Variants in NECAB2 observed in about 807,000 individuals in gnomAD.
The protein encoded by NECAB2 is N-terminal EF-hand calcium binding protein 2.
In NECAB2, 68 loss-of-function variants were observed where a neutral mutation model predicts 51.9. The ratio of observed to expected loss-of-function variants is 1.31; its 90% CI spans 1.08 to 1.60. The LOEUF (loss-of-function observed/expected upper bound fraction) is 1.60, where lower values mean the gene tolerates loss of function less well. Ranked by LOEUF, NECAB2 falls within the 40% of genes most tolerant of loss-of-function variation. The pLI is 0.00. For synonymous variants in NECAB2, 329 were observed against 203.5 expected, an observed-to-expected ratio of 1.62 and a Z score of -5.25; for missense variants, 854 against 490.3, an observed-to-expected ratio of 1.74 and a Z score of -7.00.
chr16:83,980,694 AC>A, intron 3 of NECAB2, 144 bp from the exon 4 acceptor site: 1 of 1,108,340 alleles, frequency 9.0e-7, no homozygotes, highest in South Asian at 1.5e-5. Context: ...TACCTGCTGC[AC>A]CCTCTTCTGT....
chr16:83,980,700 T>C (rs1252093349), intron 3 of NECAB2, 139 bp from the exon 4 acceptor site: 10 of 1,193,122 alleles, frequency 8.4e-6, no homozygotes, highest in Non-Finnish European at 1.2e-5. Context: ...CTGCACCCTC[T>C]TCTGTAAGGC....
chr16:83,994,841 C>G (rs949382822), intron 8 of NECAB2, among the ~76,000 whole-genome samples, 153 bp downstream of exon 8: 12 of 152,272 alleles, frequency 7.9e-5, no homozygotes, highest in African/African-American at 2.9e-4. Flanking sequence ...CTGCCGAGGA[C>G]GAAGCTAAGG....
In NECAB2 at chr16:83,968,387, C is replaced by A. The variant is rs1378966084; in HGVS notation, c.-262C>A. 1.3e-5 allele frequency among the ~76,000 whole-genome samples: 2 copies of A among 150,046 alleles called. No homozygotes were observed. Among genetic ancestry groups the A allele is most frequent in the South Asian group, 2.1e-4 (1 of 4,828 alleles). On this transcript the variant is annotated 5_prime_UTR_variant, in exon 1 of 13. Transcript: ENST00000305202. ...CGGGTAGCCCCCTCTGTGGCTGCGC[C>A]CGCGCCCCTCGCCCCGGCGGGCAGT...
chr16:83,984,664 G>A (rs774189208), intron 5 of NECAB2, among the ~76,000 whole-genome samples: 8 of 152,096 alleles, frequency 5.3e-5, no homozygotes, highest in African/African-American at 9.7e-5. Context: ...CTGGGAAGTC[G>A]AGGCTGCAGT....
At chr16:83,994,041 G>C (rs2084661521) in intron 6 of NECAB2, among the ~76,000 whole-genome samples, 1 of 152,190 alleles carries the variant, frequency 6.6e-6, no homozygotes, top group Admixed American at 6.5e-5. Flanking sequence ...TGAATCTCTT[G>C]GGGAAAAGGC....
At chr16:83,992,925 C>T (rs757922438) in intron 6 of NECAB2, among the ~76,000 whole-genome samples, 1 of 151,904 alleles carries the variant, frequency 6.6e-6, no homozygotes, top group Non-Finnish European at 1.5e-5. Flanking sequence ...TTTTCTCCTG[C>T]CGCAGAACAG....
Position 83,968,805 on chromosome 16 carries a change from C to A in NECAB2, c.157C>A (p.Pro53Thr), listed in dbSNP as rs2084317900. The A allele has an allele frequency of 3.5e-6, 4 of 1,127,790 alleles. No individual in the cohort carries two copies. In the South Asian group the frequency reaches 1.3e-4, roughly 36 times the overall value. 69.9% of individuals were successfully genotyped at this position (1,127,790 alleles called of 1,614,324 possible). A position where few individuals can be genotyped will look rare whatever the true frequency, so the allele number is the denominator to read the frequency against. Residue 53 changes from proline (P) to threonine (T), a missense_variant, in exon 1 of 13, where the codon CCC (proline) becomes ACC (threonine). Coordinates refer to ENST00000305202, the MANE Select transcript of NECAB2 (RefSeq NM_019065.3). ...GCTGGCCCCCGCCGCCCCCGCGGAC[C>A]CCGGCCCAGCCTCGCCGCGCGGGGG... ...ESLAPAAPAD[P>T]GPASPRGGTA...
At chr16:84,000,574 C>CTG (rs2084809721) in intron 10 of NECAB2, 150 bp from the exon 11 acceptor site, 1 of 604,428 alleles carries the variant, frequency 1.7e-6, no homozygotes. Flanking sequence ...TGGGGTCACC[C>CTG]TGTCGAGTCT....
At chr16:83,988,720 C>G (rs1341537589) in intron 5 of NECAB2, among the ~76,000 whole-genome samples, 1 of 152,166 alleles carries the variant, frequency 6.6e-6, no homozygotes, top group African/African-American at 2.4e-5. Flanking sequence ...TTCTGGAGAT[C>G]TCCCAGTTGT....
intron 2 of NECAB2, among the ~76,000 whole-genome samples, chr16:83,977,601 AG>A (rs1448449506): frequency 3.3e-5 from 5 of 151,982 alleles, no homozygotes; most frequent in African/African-American, 9.7e-5. Context: ...GGAGCTGTGG[AG>A]GCCCCTCTGT....
intron 8 of NECAB2, among the ~76,000 whole-genome samples, chr16:83,996,327 C>G (rs967831618): frequency 6.6e-6 from 1 of 152,234 alleles, no homozygotes; most frequent in Non-Finnish European, 1.5e-5. Context: ...CCCCAGAAGG[C>G]AGTACCCTTG....
At chr16:83,998,537 T>G (rs1186471055) in intron 10 of NECAB2, among the ~76,000 whole-genome samples, 9 of 152,102 alleles carry the variant, frequency 5.9e-5, no homozygotes, top group Non-Finnish European at 1.3e-4. Flanking sequence ...AGCTTACTCA[T>G]CTGTAAAGGG....
intron 8 of NECAB2, among the ~76,000 whole-genome samples, chr16:83,996,801 C>G (rs752385062): frequency 2.0e-5 from 3 of 152,116 alleles, no homozygotes; most frequent in Admixed American, 6.5e-5. Context: ...CCTGGGGAGT[C>G]TGGAAGATTG....
chr16:83,994,477 G>C, intron 7 of NECAB2, 57 bp downstream of exon 7: 3 of 1,597,820 alleles, frequency 1.9e-6, no homozygotes, highest in South Asian at 2.2e-5. Context: ...GAGGAGTTCT[G>C]AGAGTCCTCT....
chr16:83,995,400 C>A (rs9938157), intron 8 of NECAB2, among the ~76,000 whole-genome samples: 3 of 152,110 alleles, frequency 2.0e-5, no homozygotes, highest in Non-Finnish European at 4.4e-5. Flanking sequence ...AAGAAAATAA[C>A]CTGGAGCATG....
In NECAB2 at chr16:84,001,817, C is replaced by A; in HGVS notation, c.1041-8C>A. 6.2e-7 allele frequency: 1 copy of A among 1,613,920 alleles called. No individual in the cohort carries two copies. The highest frequency in any genetic ancestry group is 1.7e-5 in the Admixed American group (1 of 60,022). ...CACCCCTGACTCACACATGTCCCTG[C>A]GTCACAGGCACCTGCAGAGCCCCCT... On this transcript the variant is annotated splice_polypyrimidine_tract_variant and splice_region_variant and intron_variant, in intron 11 of 12. Coordinates refer to ENST00000305202, the MANE Select transcript of NECAB2 (RefSeq NM_019065.3).
Position 83,998,249 on chromosome 16 carries a change from A to G in NECAB2, c.894A>G (p.Gln298=), listed in dbSNP as rs1191722416. 1 of 1,612,868 alleles carries G rather than the reference A, an allele frequency of 6.2e-7. No individual in the cohort carries two copies. The highest frequency in any genetic ancestry group is 8.5e-7 in the Non-Finnish European group (1 of 1,179,984). ...VRQEMAVCPE[Q]LSEFLDSLRQ... ...AGGAGATGGCCGTGTGCCCCGAGCA[A>G]CTGAGCGAGTTTCTGGACTCTCTGC... Residue 298 remains glutamine (Q), a synonymous_variant, in exon 10 of 13, where the codon CAA becomes CAG. Coordinates refer to ENST00000305202, the MANE Select transcript of NECAB2 (RefSeq NM_019065.3).
chr16:83,991,447 A>G (rs1262950411), intron 6 of NECAB2, among the ~76,000 whole-genome samples: 4 of 144,692 alleles, frequency 2.8e-5, no homozygotes, highest in East Asian at 4.0e-4. Flanking sequence ...GCTCACTGCA[A>G]CGTCCGCCTC....
intron 6 of NECAB2, among the ~76,000 whole-genome samples, chr16:83,993,838 G>C (rs1008878156): frequency 2.0e-5 from 3 of 152,072 alleles, no homozygotes; most frequent in Non-Finnish European, 4.4e-5. Flanking sequence ...TTTAGGTCTC[G>C]CTTTTATGTG....
Sources: allele counts gnomAD v4.1 joint callset (sites outside exome capture counted in the v4.1 genomes callset), GRCh38; gene constraint gnomAD v4.1.1; transcripts MANE v1.5; gene names NCBI Gene and HGNC (gene_info 2026-07-23, HGNC 2026-07-21).